The following EHD1 variants were observed in gnomAD, a reference collection of about 807,000 sequenced individuals.
EHD1 encodes the protein EH domain-containing protein 1.
In EHD1, 19 loss-of-function variants were observed where a neutral mutation model predicts 39.0. The ratio of observed to expected loss-of-function variants is 0.49; its 90% CI spans 0.34 to 0.72. The LOEUF is 0.72. Among genes scored for constraint, EHD1 ranks in the 30% least tolerant of loss-of-function variants. The probability of loss-of-function intolerance (pLI) is 0.01; values close to 1 mark genes in which losing one functional copy is unlikely to be tolerated. For synonymous variants in EHD1, 323 were observed against 331.2 expected (o/e 0.98, Z 0.27); for missense variants, 542 against 751.5 (o/e 0.72, Z 3.26).
rs774732929 is a variant in EHD1, at chr11:64,854,827, A to C, written c.1111T>G (p.Phe371Val). 1.2e-6 allele frequency: 2 copies of C among 1,600,216 alleles called. No homozygotes were observed. The highest frequency in any genetic ancestry group is 2.7e-5 in the African/African-American group (2 of 74,892). Residue 371 changes from phenylalanine (F) to valine (V), a missense_variant, in exon 5 of 5, where the codon TTC becomes GTC. Physicochemically the swap from Phe to Val is conservative, Grantham distance 50. Coordinates refer to ENST00000320631, the MANE Select transcript of EHD1 (RefSeq NM_006795.4). ...ELLQTQDFSKFQALKPKLLDT... is the reference protein window; with the variant it reads ...ELLQTQDFSKVQALKPKLLDT... Reference sequence around the variant, plus strand: ...AGCAGCTTGGGCTTCAGCGCCTGGAACTTGCTGAAGTCCTGGGTCTGCAGG... The same window carrying C: ...AGCAGCTTGGGCTTCAGCGCCTGGACCTTGCTGAAGTCCTGGGTCTGCAGG...
At chr11:64,855,614 C>A in intron 3 of EHD1, 128 bp from the exon 4 acceptor site, 1 of 1,421,786 alleles carries the variant, frequency 7.0e-7, no homozygotes, top group East Asian at 2.3e-5. Flanking sequence ...AGGGATGGGT[C>A]AAGCTCAAGG....
rs144350224 is a variant in EHD1, at chr11:64,862,460, C to A, written c.503-2124G>T. 2.6e-5 allele frequency among the ~76,000 whole-genome samples: 4 copies of A among 152,252 alleles called. No homozygotes were observed. In the South Asian group the frequency reaches 8.3e-4, roughly 32 times the overall value. On this transcript the variant is annotated intron_variant, in intron 2 of 4. Transcript: ENST00000320631. ...TCTGTTGTTTTCTCCCTCCTGAGGA[C>A]GGGGATGCTGATGTGATGGGAGGAG...
intron 4 of EHD1, chr11:64,855,091 G>A (rs1943635162): frequency 7.1e-6 from 6 of 842,232 alleles, no homozygotes; most frequent in Non-Finnish European, 1.1e-5. Context: ...CAGAGCGCCT[G>A]GCATGGCCCT....
Position 64,851,859 on chromosome 11 carries a change from T to C in EHD1, c.*2474A>G, listed in dbSNP as rs1186270932. 6.6e-6 allele frequency: 1 copy of C among 152,178 alleles called. No homozygotes were observed. The highest frequency in any genetic ancestry group is 2.4e-5 in the African/African-American group (1 of 41,422). The allele number at this position is 152,178 out of a possible 1,614,324, so 9.4% of individuals were successfully genotyped here. On this transcript the variant is annotated 3_prime_UTR_variant, in exon 5 of 5. Coordinates refer to ENST00000320631, the MANE Select transcript of EHD1 (RefSeq NM_006795.4). ...TCCTCAGTCTCGGACTCTCCCTCTG[T>C]GAAATGGGGGAACATGAACTTCCTC...
chr11:64,875,981 C>A (rs747720323), intron 1 of EHD1, among the ~76,000 whole-genome samples: 2 of 152,182 alleles, frequency 1.3e-5, no homozygotes, highest in Non-Finnish European at 2.9e-5. Flanking sequence ...GAGTTAATAT[C>A]TATAGGACCC....
Position 64,878,084 on chromosome 11 carries a change from C to T in EHD1, c.381G>A (p.Ala127=). ...ACCTGTTGAGGAAAGCGTTGCCAAA[C>T]GCGTTGAGCTTGCGGAAGGGGCGCC... ...DPRRPFRKLN[A]FGNAFLNRFM... Residue 127 remains alanine, a synonymous_variant, in exon 1 of 5, where the codon GCG becomes GCA. Transcript: ENST00000320631. The T allele has an allele frequency of 1.3e-6, 2 of 1,527,950 alleles. No homozygotes were observed. The highest frequency in any genetic ancestry group is 1.4e-5 in the African/African-American group (1 of 72,520). The allele number at this position is 1,527,950 out of a possible 1,614,324, so 94.6% of individuals were successfully genotyped here. A position where few individuals can be genotyped will look rare whatever the true frequency, so the allele number is the denominator to read the frequency against.
chr11:64,866,852 G>C (rs1164116104), intron 2 of EHD1, among the ~76,000 whole-genome samples: 1 of 152,134 alleles, frequency 6.6e-6, no homozygotes, highest in Non-Finnish European at 1.5e-5. Context: ...CAAAAGGACA[G>C]ATACGGCACT....
At chr11:64,875,980 T>C (rs1312326698) in intron 1 of EHD1, among the ~76,000 whole-genome samples, 1 of 152,126 alleles carries the variant, frequency 6.6e-6, no homozygotes, top group African/African-American at 2.4e-5. Flanking sequence ...TGAGTTAATA[T>C]CTATAGGACC....
rs145274478 is a variant in EHD1, at chr11:64,860,037, G to A, written c.802C>T (p.Arg268Cys). The change falls in exon 3 of 5, where the codon CGC becomes TGC. Residue 268 changes from arginine (R) to cysteine (C), a missense_variant. By Grantham distance (180) the Arg-to-Cys change is radical. Coordinates refer to ENST00000320631, the MANE Select transcript of EHD1 (RefSeq NM_006795.4). ...TGCTCCTCGGCCTCAAAGAGCTTGC[G>A]GTTGTCGGGGATGAGGAGCGGGTGG... ...WSHPLLIPDN[R>C]KLFEAEEQDL... 7 of 1,614,030 alleles carry A rather than the reference G, an allele frequency of 4.3e-6. No homozygotes were observed. The highest frequency in any genetic ancestry group is 2.2e-5 in the East Asian group (1 of 44,896).
In EHD1 at chr11:64,853,338, G is replaced by C. The variant is rs979966160; in HGVS notation, c.*995C>G. 6.6e-6 allele frequency: 1 copy of C among 152,316 alleles called. No individual in the cohort carries two copies. Among genetic ancestry groups the C allele is most frequent in the Non-Finnish European group, 1.5e-5 (1 of 68,104 alleles). The allele number at this position is 152,316 out of a possible 1,614,324, so 9.4% of individuals were successfully genotyped here. On this transcript the variant is annotated 3_prime_UTR_variant, in exon 5 of 5. Coordinates refer to ENST00000320631, the MANE Select transcript of EHD1 (RefSeq NM_006795.4). ...TTCCTCTTACCAGCACCAAGCTGTC[G>C]TGAGGCCCCGCCACCGCCACCCACC...
intron 1 of EHD1, 53 bp downstream of exon 1, chr11:64,878,008 T>G: frequency 6.8e-7 from 1 of 1,460,650 alleles, no homozygotes; most frequent in Non-Finnish European, 9.0e-7. Flanking sequence ...AGGCTCCGAG[T>G]GAGGGGTGTG....
At chr11:64,864,220 C>T (rs1429586222) in intron 2 of EHD1, among the ~76,000 whole-genome samples, 2 of 152,258 alleles carry the variant, frequency 1.3e-5, no homozygotes, top group African/African-American at 4.8e-5. Flanking sequence ...GTCCTGGCCT[C>T]CAGCCTGGAC....
At chr11:64,874,301 C>T in intron 2 of EHD1, 120 bp downstream of exon 2, 3 of 476,918 alleles carry the variant, frequency 6.3e-6, no homozygotes, top group Non-Finnish European at 9.9e-6. Flanking sequence ...AAGACTCCGT[C>T]AAAAAAAAAA....
intron 1 of EHD1, among the ~76,000 whole-genome samples, chr11:64,875,423 C>T (rs900839308): frequency 6.6e-6 from 1 of 152,104 alleles, no homozygotes; most frequent in Non-Finnish European, 1.5e-5. Context: ...TGGTGGCACG[C>T]GCCTGTAGTC....
At chr11:64,878,643 G>C (rs1338840514), upstream of EHD1, 1 of 1,401,246 alleles carries the variant, frequency 7.1e-7, no homozygotes, top group African/African-American at 1.5e-5. Context: ...CTCGCGGAGC[G>C]GCCTTTATAG....
At chr11:64,874,658 T>A (rs1943866867) in intron 1 of EHD1, 140 bp from the exon 2 acceptor site, 1 of 659,340 alleles carries the variant, frequency 1.5e-6, no homozygotes, top group South Asian at 2.5e-5. Context: ...TGGTTTTCTA[T>A]CGTCTTAGTT....
At chr11:64,866,858 G>A (rs963811139) in intron 2 of EHD1, among the ~76,000 whole-genome samples, 3 of 151,986 alleles carry the variant, frequency 2.0e-5, no homozygotes, top group African/African-American at 7.3e-5. Flanking sequence ...GACAGATACG[G>A]CACTGTAGGA....
chr11:64,855,825 G>T (rs561095749), intron 3 of EHD1: 2 of 330,498 alleles, frequency 6.1e-6, no homozygotes, highest in South Asian at 2.8e-5. Flanking sequence ...GCAATTTGTC[G>T]TGTACCACTG....
rs12801172 is a variant in EHD1 at position 64,878,562 on chromosome 11, G to T, written c.-98C>A. ...GCGGGGCCGGCCGGGGCAGGGAATC[G>T]GGAGCGACCCACACTGCGCAGGCGC... On this transcript the variant is annotated 5_prime_UTR_variant, in exon 1 of 5. Transcript: ENST00000320631. The T allele has an allele frequency of 1.3e-5, 19 of 1,463,356 alleles. No individual in the cohort carries two copies. The highest frequency in any genetic ancestry group is 2.4e-4 in the Middle Eastern group (1 of 4,248). The allele number at this position is 1,463,356 out of a possible 1,614,324, so 90.6% of individuals were successfully genotyped here. A position where few individuals can be genotyped will look rare whatever the true frequency, so the allele number is the denominator to read the frequency against.
Sources: allele counts gnomAD v4.1 joint callset (sites outside exome capture counted in the v4.1 genomes callset), GRCh38; gene constraint gnomAD v4.1.1; transcripts MANE v1.5; gene names NCBI Gene and HGNC (gene_info 2026-07-23, HGNC 2026-07-21).